Variants in ALK observed in about 807,000 individuals in gnomAD.
ALK encodes the protein ALK receptor tyrosine kinase.
In ALK, 74 loss-of-function variants were observed where a neutral mutation model predicts 163.1. That is an observed-to-expected ratio of 0.45 (90% CI 0.38 to 0.55). The LOEUF is 0.55. Ranked by LOEUF, ALK falls within the 20% of genes least tolerant of loss-of-function variation. The probability of loss-of-function intolerance (pLI) is 0.00; values close to 1 mark genes in which losing one functional copy is unlikely to be tolerated. For missense variants in ALK, 2,063 were observed against 2,105.3 expected, an observed-to-expected ratio of 0.98 and a Z score of 0.39; for synonymous variants, 960 against 843.2, an observed-to-expected ratio of 1.14 and a Z score of -2.40.
chr2:29,831,259 G>GGAAGAAGAAGAA (rs201594262), intron 1 of ALK, among the ~76,000 whole-genome samples: 1,349 of 28,144 alleles, frequency 0.048, 293 homozygotes, highest in Admixed American at 0.065. Context: ...AAGAGGAAGA[G>GGAAGAAGAAGAA]GAAGAAGAAG....
At chr2:29,318,225 C>T (rs1666890697) in intron 8 of ALK, 79 bp downstream of exon 8, 1 of 1,222,578 alleles carries the variant, frequency 8.2e-7, no homozygotes, top group Non-Finnish European at 1.2e-6. Context: ...GCCAGCTAGG[C>T]TACTTTCTTA....
intron 1 of ALK, among the ~76,000 whole-genome samples, chr2:29,886,590 T>C (rs952163443): frequency 1.3e-5 from 2 of 152,260 alleles, no homozygotes; most frequent in African/African-American, 4.8e-5. Flanking sequence ...TGCCCTTAGC[T>C]AACACTACCT....
chr2:29,437,583 C>G (rs1270372590), intron 4 of ALK, among the ~76,000 whole-genome samples: 1 of 152,188 alleles, frequency 6.6e-6, no homozygotes. Context: ...CCAAATACAG[C>G]TTTATCCTCA....
chr2:29,584,513 A>G (rs1454812479), intron 3 of ALK, among the ~76,000 whole-genome samples: 1 of 152,194 alleles, frequency 6.6e-6, no homozygotes, highest in African/African-American at 2.4e-5. Flanking sequence ...GACCATGGAA[A>G]CACTTGCTTG....
At chr2:29,867,813 C>T (rs1666475257) in intron 1 of ALK, among the ~76,000 whole-genome samples, 1 of 152,234 alleles carries the variant, frequency 6.6e-6, no homozygotes, top group Admixed American at 6.5e-5. Flanking sequence ...ATTTGACCTT[C>T]ATGCTTCTCA....
chr2:29,632,756 C>T (rs376080605), intron 3 of ALK, among the ~76,000 whole-genome samples: 22 of 152,226 alleles, frequency 1.4e-4, no homozygotes, highest in African/African-American at 3.6e-4. Flanking sequence ...TGGCTGGGGA[C>T]GCCTCAAAAT....
chr2:29,447,460 A>AG (rs1218364609), intron 4 of ALK, among the ~76,000 whole-genome samples: 2 of 151,694 alleles, frequency 1.3e-5, no homozygotes, highest in African/African-American at 4.9e-5. Context: ...TGGCTTTAGG[A>AG]GGGAAAAAAA....
intron 1 of ALK, among the ~76,000 whole-genome samples, chr2:29,829,232 G>A (rs1438251062): frequency 1.3e-5 from 2 of 151,048 alleles, no homozygotes; most frequent in African/African-American, 4.9e-5. Context: ...AAGTTAATGG[G>A]TACAGCACAC....
chr2:29,679,547 CTATT>C (rs1677999496), intron 3 of ALK, among the ~76,000 whole-genome samples: 1 of 151,654 alleles, frequency 6.6e-6, no homozygotes, highest in African/African-American at 2.4e-5. Flanking sequence ...TTATCACAGT[CTATT>C]TAAGATTAAT....
chr2:29,506,756 C>CA (rs11328030), intron 4 of ALK, among the ~76,000 whole-genome samples: 23 of 146,086 alleles, frequency 1.6e-4, no homozygotes, highest in East Asian at 4.0e-4. Flanking sequence ...AAAAACAAAA[C>CA]AAAAAAAAAA....
intron 3 of ALK, among the ~76,000 whole-genome samples, chr2:29,555,636 G>C (rs1673833457): frequency 6.6e-6 from 1 of 152,064 alleles, no homozygotes; most frequent in African/African-American, 2.4e-5. Context: ...CATAAATTCT[G>C]TAACAAAAGC....
chr2:29,564,253 A>C (rs1187904289), intron 3 of ALK, among the ~76,000 whole-genome samples: 2 of 151,392 alleles, frequency 1.3e-5, no homozygotes, highest in East Asian at 1.9e-4. Context: ...AAACAATTCT[A>C]ACTTGGACTC....
chr2:29,590,928 G>A (rs1431571685), intron 3 of ALK, among the ~76,000 whole-genome samples: 1 of 151,534 alleles, frequency 6.6e-6, no homozygotes, highest in African/African-American at 2.4e-5. Flanking sequence ...AAAATTAGCC[G>A]GGCGTGTTGG....
At chr2:29,536,661 G>A (rs949287848) in intron 3 of ALK, among the ~76,000 whole-genome samples, 1 of 152,178 alleles carries the variant, frequency 6.6e-6, no homozygotes, top group Non-Finnish European at 1.5e-5. Flanking sequence ...AACGGGCAGG[G>A]GTTGGAGGAA....
At chr2:29,397,333 C>A (rs1167344586) in intron 4 of ALK, among the ~76,000 whole-genome samples, 1 of 152,028 alleles carries the variant, frequency 6.6e-6, no homozygotes, top group East Asian at 1.9e-4. Context: ...CCAAGGAATG[C>A]CAAAGATTGC....
chr2:29,899,988 C>T (rs558417611), intron 1 of ALK, among the ~76,000 whole-genome samples: 11 of 152,342 alleles, frequency 7.2e-5, no homozygotes, highest in Non-Finnish European at 1.0e-4. Context: ...GTGGCTGCTT[C>T]GTGGGCTTCA....
At chr2:29,347,998 G>T (rs1357538577) in intron 5 of ALK, among the ~76,000 whole-genome samples, 1 of 152,180 alleles carries the variant, frequency 6.6e-6, no homozygotes, top group Non-Finnish European at 1.5e-5. Flanking sequence ...TGCCATGAGG[G>T]TTTTGCTGCA....
At chr2:29,738,326 T>C (rs1199227816) in intron 1 of ALK, among the ~76,000 whole-genome samples, 1 of 152,064 alleles carries the variant, frequency 6.6e-6, no homozygotes, top group Non-Finnish European at 1.5e-5. Flanking sequence ...ATTATAAATT[T>C]GCATGCCCTT....
At chr2:29,802,507 A>AGGAGG (rs1187703812) in intron 1 of ALK, among the ~76,000 whole-genome samples, 1 of 1,702 alleles carries the variant, frequency 5.9e-4, no homozygotes, top group African/African-American at 2.5e-3. Flanking sequence ...GGGAGAGGAG[A>AGGAGG]GGAGGGGAGG....
Sources: allele counts gnomAD v4.1 joint callset (sites outside exome capture counted in the v4.1 genomes callset), GRCh38; gene constraint gnomAD v4.1.1; transcripts MANE v1.5; gene names NCBI Gene and HGNC (gene_info 2026-07-23, HGNC 2026-07-21).